Variants in CLASP1 observed in about 807,000 individuals in gnomAD.
CLASP1 encodes CLIP-associating protein 1.
A neutral mutation model predicts 192.3 loss-of-function variants in CLASP1; 38 were observed. The ratio of observed to expected loss-of-function variants is 0.20; its 90% CI spans 0.15 to 0.26. The LOEUF is 0.26. Ranked by LOEUF, CLASP1 falls within the 10% of genes least tolerant of loss-of-function variation. CLASP1 has a pLI of 1.00. For synonymous variants in CLASP1, 691 were observed against 712.8 expected, an observed-to-expected ratio of 0.97 and a Z score of 0.49; for missense variants, 1,433 against 1,932.5, an observed-to-expected ratio of 0.74 and a Z score of 4.85.
chr2:121,614,025 C>T (rs1444045331), intron 1 of CLASP1, among the ~76,000 whole-genome samples: 1 of 152,160 alleles, frequency 6.6e-6, no homozygotes, highest in Non-Finnish European at 1.5e-5. Context: ...CCTCTCTCCA[C>T]ACATGATCTC....
intron 19 of CLASP1, among the ~76,000 whole-genome samples, chr2:121,433,138 G>T (rs1172410638): frequency 1.3e-5 from 2 of 151,528 alleles, no homozygotes; most frequent in African/African-American, 2.4e-5. Flanking sequence ...CCTGGCCAAC[G>T]TGGAGAAACC....
At chr2:121,511,378 C>T (rs2094130588) in intron 7 of CLASP1, among the ~76,000 whole-genome samples, 3 of 151,956 alleles carry the variant, frequency 2.0e-5, no homozygotes, top group South Asian at 4.1e-4. Context: ...CACCTGAGGT[C>T]GGGGGTTCGA....
intron 2 of CLASP1, among the ~76,000 whole-genome samples, chr2:121,589,064 G>A (rs1576278493): frequency 6.6e-6 from 1 of 152,158 alleles, no homozygotes; most frequent in Non-Finnish European, 1.5e-5. Context: ...ACACAACACT[G>A]AAGAGAGGCC....
intron 2 of CLASP1, among the ~76,000 whole-genome samples, chr2:121,557,422 A>AAAG: frequency 1.3e-5 from 2 of 151,882 alleles, no homozygotes; most frequent in South Asian, 2.1e-4. Context: ...CATCTCTACT[A>AAAG]AAAATACAAA....
At chr2:121,644,887 G>C (rs1174767633) in intron 1 of CLASP1, among the ~76,000 whole-genome samples, 1 of 151,642 alleles carries the variant, frequency 6.6e-6, no homozygotes. Context: ...AAGTCCAGAA[G>C]GTCAAGGTTG....
chr2:121,447,198 C>T, intron 19 of CLASP1, 139 bp downstream of exon 19: 1 of 774,124 alleles, frequency 1.3e-6, no homozygotes, highest in Non-Finnish European at 2.1e-6. Flanking sequence ...GCAGCAAGTG[C>T]ACGAAGCTAC....
At chr2:121,375,474 C>T (rs1188234112) in intron 34 of CLASP1, among the ~76,000 whole-genome samples, 1 of 151,486 alleles carries the variant, frequency 6.6e-6, no homozygotes, top group Non-Finnish European at 1.5e-5. Context: ...GGCAATTCTC[C>T]TGCCTCAGCC....
chr2:121,514,757 A>T (rs1286508592), intron 7 of CLASP1, among the ~76,000 whole-genome samples: 1 of 152,196 alleles, frequency 6.6e-6, no homozygotes, highest in Non-Finnish European at 1.5e-5. Context: ...TGTATATTTC[A>T]ATATTCCATC....
chr2:121,608,022 C>T (rs4468818), intron 1 of CLASP1, among the ~76,000 whole-genome samples: 164 of 152,306 alleles, frequency 1.1e-3, no homozygotes, highest in African/African-American at 3.8e-3. Flanking sequence ...TAGTATCTCA[C>T]AGAGCAATCC....
At chr2:121,582,430 AAG>A (rs1288219999) in intron 2 of CLASP1, among the ~76,000 whole-genome samples, 2 of 150,104 alleles carry the variant, frequency 1.3e-5, no homozygotes, top group East Asian at 4.0e-4. Flanking sequence ...AAGAGAGAAA[AAG>A]AAGGGGGGAA....
intron 19 of CLASP1, among the ~76,000 whole-genome samples, chr2:121,442,669 G>A (rs1211948791): frequency 1.3e-5 from 2 of 151,934 alleles, no homozygotes; most frequent in Admixed American, 1.3e-4. Context: ...TAATAGAGAC[G>A]GGGTTTCACC....
intron 8 of CLASP1, among the ~76,000 whole-genome samples, chr2:121,485,805 C>T (rs1306481532): frequency 6.6e-6 from 1 of 152,164 alleles, no homozygotes; most frequent in African/African-American, 2.4e-5. Flanking sequence ...TTTGTGTATG[C>T]CAAGGATGTT....
At chr2:121,563,144 G>A (rs1210499521) in intron 2 of CLASP1, among the ~76,000 whole-genome samples, 1 of 152,138 alleles carries the variant, frequency 6.6e-6, no homozygotes, top group Non-Finnish European at 1.5e-5. Context: ...TTCCCCCAAT[G>A]CCAAGTAGCC....
Position 121,363,154 on chromosome 2 carries a change from G to T in CLASP1, c.4206+18C>A. 1.9e-6 allele frequency: 3 copies of T among 1,613,772 alleles called. No individual in the cohort carries two copies. The highest frequency in any genetic ancestry group is 2.5e-6 in the Non-Finnish European group (3 of 1,179,798). ...ATGACCCGTCTGTTCAGCACCCCTG[G>T]CCACATGACTGACTCACCTCCTTAT... On this transcript the variant is annotated intron_variant, in intron 37 of 39. Coordinates refer to ENST00000263710, the Ensembl canonical transcript of CLASP1.
chr2:121,397,306 A>C, intron 29 of CLASP1, 23 bp from the exon 31 acceptor site: 1 of 1,602,504 alleles, frequency 6.2e-7, no homozygotes, highest in Non-Finnish European at 8.5e-7. Context: ...ATAATTATAA[A>C]CATTAAGTAC....
At chr2:121,612,998 TGA>T (rs1373053978) in intron 1 of CLASP1, among the ~76,000 whole-genome samples, 1 of 152,234 alleles carries the variant, frequency 6.6e-6, no homozygotes, top group African/African-American at 2.4e-5. Flanking sequence ...CAAAAGAATA[TGA>T]GAGACATTAA....
intron 2 of CLASP1, among the ~76,000 whole-genome samples, chr2:121,563,682 T>C (rs1240114747): frequency 2.6e-5 from 4 of 152,164 alleles, no homozygotes; most frequent in Non-Finnish European, 5.9e-5. Flanking sequence ...CTGGGGAAAT[T>C]AGCTTCTTTT....
intron 1 of CLASP1, among the ~76,000 whole-genome samples, chr2:121,616,039 C>G (rs1369639739): frequency 6.6e-6 from 1 of 151,972 alleles, no homozygotes; most frequent in Non-Finnish European, 1.5e-5. Flanking sequence ...TTAAGAAACA[C>G]GAAGTCAAAT....
At chr2:121,340,070 G>C (rs1173073156) in exon 40 of CLASP1, 1 of 152,170 alleles carries the variant, frequency 6.6e-6, no homozygotes, top group African/African-American at 2.4e-5. Context: ...TGTGCTTCAT[G>C]AACTGCCATC....
Sources: allele counts gnomAD v4.1 joint callset (sites outside exome capture counted in the v4.1 genomes callset), GRCh38; gene constraint gnomAD v4.1.1; transcripts MANE v1.5; gene names NCBI Gene and HGNC (gene_info 2026-07-23, HGNC 2026-07-21).